RGS7: variants seen among roughly 807,000 people sequenced by gnomAD.
RGS7 encodes regulator of G-protein signaling 7.
RGS7 carries 27 observed loss-of-function variants against 81.1 expected under a neutral mutation model. The observed-to-expected ratio is 0.33, with a 90% CI of 0.25 to 0.46. The LOEUF (loss-of-function observed/expected upper bound fraction) is 0.46. Ranked by LOEUF, RGS7 falls within the 20% of genes least tolerant of loss-of-function variation. The pLI, the probability that RGS7 is intolerant of heterozygous loss-of-function variation, is 1.00. For synonymous variants in RGS7, 208 were observed against 207.7 expected, an observed-to-expected ratio of 1.00 and a Z score of -0.01; for missense variants, 396 against 607.4, an observed-to-expected ratio of 0.65 and a Z score of 3.66.
intron 6 of RGS7, among the ~76,000 whole-genome samples, chr1:240,883,663 G>A (rs899805963): frequency 3.9e-5 from 6 of 152,220 alleles, no homozygotes; most frequent in Non-Finnish European, 8.8e-5. Flanking sequence ...ACCAGCTGAT[G>A]TCAACCAAGA....
intron 2 of RGS7, among the ~76,000 whole-genome samples, chr1:241,114,888 C>A (rs1435821663): frequency 6.6e-6 from 1 of 152,106 alleles, no homozygotes; most frequent in African/African-American, 2.4e-5. Flanking sequence ...TGAAGGGCAC[C>A]AGGGAAGACC....
intron 3 of RGS7, among the ~76,000 whole-genome samples, chr1:241,032,405 A>G (rs1652299137): frequency 1.3e-5 from 2 of 152,218 alleles, no homozygotes; most frequent in Admixed American, 6.5e-5. Context: ...AAATCAGGTA[A>G]CAGTGATGCC....
intron 3 of RGS7, among the ~76,000 whole-genome samples, chr1:240,988,913 G>C (rs1158892734): frequency 6.6e-6 from 1 of 152,126 alleles, no homozygotes; most frequent in East Asian, 1.9e-4. Context: ...TGGTAAATAT[G>C]AACAATTTCT....
chr1:240,784,053 G>T (rs1177088956), intron 18 of RGS7, among the ~76,000 whole-genome samples: 1 of 149,424 alleles, frequency 6.7e-6, no homozygotes, highest in Non-Finnish European at 1.5e-5. Flanking sequence ...CGAGTATCGT[G>T]GCAGGTGCCT....
At chr1:240,922,263 A>G (rs1362386439) in intron 6 of RGS7, among the ~76,000 whole-genome samples, 1 of 152,142 alleles carries the variant, frequency 6.6e-6, no homozygotes, top group African/African-American at 2.4e-5. Flanking sequence ...CTGTAAAACT[A>G]TAAAACCTTT....
intron 9 of RGS7, among the ~76,000 whole-genome samples, chr1:240,834,140 T>C (rs1055383161): frequency 3.3e-5 from 5 of 152,212 alleles, no homozygotes; most frequent in African/African-American, 1.2e-4. Flanking sequence ...TCTTAGGCAG[T>C]TGTCAGTTGA....
intron 6 of RGS7, among the ~76,000 whole-genome samples, chr1:240,906,819 G>A (rs1267570779): frequency 2.0e-5 from 3 of 152,218 alleles, no homozygotes; most frequent in African/African-American, 4.8e-5. Flanking sequence ...CATAGCTCAG[G>A]TCAATCACAT....
At chr1:241,343,781 C>T (rs191507657) in intron 2 of RGS7, among the ~76,000 whole-genome samples, 2 of 151,956 alleles carry the variant, frequency 1.3e-5, no homozygotes, top group East Asian at 3.9e-4. Context: ...TGATAATGGT[C>T]GCACAACAAT....
At position 241,054,170 on chromosome 1, in the gene RGS7, A is replaced by G. The variant is rs531578961; in HGVS notation, c.175+44496T>C. Among the ~76,000 whole-genome samples, 12 of 152,348 alleles carry G rather than the reference A, an allele frequency of 7.9e-5. No individual in the cohort carries two copies. In the South Asian group the frequency reaches 2.3e-3, roughly 29 times the overall value. ...TATGATGAAGTTAAGGAAAGAACAT[A>G]TAACACTGAGAATTCATAAACAACC... On this transcript the variant is annotated intron_variant, in intron 3 of 18. Transcript: ENST00000440928.
intron 2 of RGS7, among the ~76,000 whole-genome samples, chr1:241,188,220 T>TATAACTTCTATTATA (rs1553278425): frequency 6.8e-6 from 1 of 148,036 alleles, no homozygotes; most frequent in Non-Finnish European, 1.5e-5. Flanking sequence ...ACAATTATTA[T>TATAACTTCTATTATA]GTGTCAATAA....
chr1:241,140,379 T>G (rs544516263), intron 2 of RGS7, among the ~76,000 whole-genome samples: 2 of 152,282 alleles, frequency 1.3e-5, no homozygotes, highest in Non-Finnish European at 2.9e-5. Context: ...CTCCACCCAC[T>G]GATGGGTCCC....
At chr1:241,332,634 T>C (rs947623647) in intron 2 of RGS7, among the ~76,000 whole-genome samples, 6 of 152,160 alleles carry the variant, frequency 3.9e-5, no homozygotes, top group African/African-American at 1.2e-4. Flanking sequence ...AAACATTTCC[T>C]TTTTAGAGAA....
At chr1:241,335,172 C>T (rs552331083) in intron 2 of RGS7, among the ~76,000 whole-genome samples, 11 of 152,252 alleles carry the variant, frequency 7.2e-5, no homozygotes, top group African/African-American at 2.6e-4. Context: ...GGAAGTTATT[C>T]CAGCACCCTA....
intron 17 of RGS7, 93 bp downstream of exon 17, chr1:240,801,362 G>T: frequency 1.3e-6 from 1 of 782,240 alleles, no homozygotes; most frequent in Admixed American, 2.0e-5. Context: ...GTTATATCAA[G>T]AATGCAAGGT....
intron 3 of RGS7, among the ~76,000 whole-genome samples, chr1:241,002,759 CCAATAGCAAAG>C (rs2058466588): frequency 6.6e-6 from 1 of 152,024 alleles, no homozygotes; most frequent in African/African-American, 2.4e-5. Flanking sequence ...GACCAGAAAA[CCAATAGCAAAG>C]CAGGCAGAAA....
At chr1:240,937,574 T>TGG (rs1363567961) in intron 4 of RGS7, among the ~76,000 whole-genome samples, 12 of 152,210 alleles carry the variant, frequency 7.9e-5, no homozygotes, top group Non-Finnish European at 1.6e-4. Context: ...AGAGTATGTC[T>TGG]CCCTCATTTT....
chr1:241,208,442 T>C (rs973743482), intron 2 of RGS7, among the ~76,000 whole-genome samples: 6 of 152,066 alleles, frequency 3.9e-5, no homozygotes, highest in African/African-American at 1.4e-4. Flanking sequence ...CTGTGCTTTG[T>C]GTGTGTGTTC....
intron 9 of RGS7, among the ~76,000 whole-genome samples, chr1:240,835,765 G>A (rs1273289576): frequency 6.6e-6 from 1 of 152,042 alleles, no homozygotes; most frequent in Non-Finnish European, 1.5e-5. Flanking sequence ...AAAGAAATGA[G>A]CCATTAAGCC....
At chr1:241,121,710 C>CTTTTGTTTTTTT (rs2066269659) in intron 2 of RGS7, among the ~76,000 whole-genome samples, 1 of 66,410 alleles carries the variant, frequency 1.5e-5, no homozygotes, top group African/African-American at 6.3e-5. Context: ...TGCAATTGTT[C>CTTTTGTTTTTTT]TTTTTTTTTT....
Sources: gnomAD v4.1 joint callset for allele counts (sites outside exome capture counted in the v4.1 genomes callset) on GRCh38, gnomAD v4.1.1 for gene constraint, MANE v1.5 for transcripts, NCBI Gene and HGNC (gene_info 2026-07-23, HGNC 2026-07-21) for gene names.